The following MMP8 variants were observed in gnomAD, a reference collection of about 807,000 sequenced individuals.
MMP8 encodes matrix metallopeptidase 8.
In MMP8, 67 loss-of-function variants were observed where a neutral mutation model predicts 51.2. That is an observed-to-expected ratio of 1.31 (90% CI 1.08 to 1.60). The LOEUF (loss-of-function observed/expected upper bound fraction) is 1.60. Among genes scored for constraint, MMP8 ranks in the 40% most tolerant of loss-of-function variants. MMP8 has a pLI of 0.00. For synonymous variants in MMP8, 225 were observed against 191.0 expected, an observed-to-expected ratio of 1.18 and a Z score of -1.47; for missense variants, 654 against 558.1, an observed-to-expected ratio of 1.17 and a Z score of -1.73.
chr11:102,715,651 G>A (rs1317041113), intron 6 of MMP8, among the ~76,000 whole-genome samples: 1 of 152,154 alleles, frequency 6.6e-6, no homozygotes, highest in Non-Finnish European at 1.5e-5. Context: ...TTTCAGGGAA[G>A]GTTATGGGAG....
chr11:102,713,733 AG>A lies in MMP8; in HGVS notation c.1294+20del, dbSNP rs752137177. 20 of 1,255,942 alleles carry A rather than the reference AG, an allele frequency of 1.6e-5. No homozygotes were observed. Among genetic ancestry groups the A allele is most frequent in the Admixed American group, 4.1e-5 (2 of 48,724 alleles). The allele number at this position is 1,255,942 out of a possible 1,614,324, so 77.8% of individuals were successfully genotyped here. A position where few individuals can be genotyped will look rare whatever the true frequency, so the allele number is the denominator to read the frequency against. On this transcript the variant is annotated intron_variant, in intron 9 of 9. Transcript: ENST00000236826. ...TAAACAAACAAACAACACATTTATTAGGTTTTTTTTTCCTACTTACGTTCTT... is the reference window on the plus strand; with the variant it reads ...TAAACAAACAAACAACACATTTATTAGTTTTTTTTTCCTACTTACGTTCTT...
rs1233974219 is a variant in MMP8, at chr11:102,722,491, G to A, written c.285C>T (p.Asp95=). 1 of 1,613,934 alleles carries A rather than the reference G, an allele frequency of 6.2e-7. No individual in the cohort carries two copies. Among genetic ancestry groups the A allele is most frequent in the East Asian group, 2.2e-5 (1 of 44,884 alleles). The change falls in exon 2 of 10, where the codon GAC becomes GAT. Residue 95 remains aspartate, a synonymous_variant. Coordinates refer to ENST00000236826, the MANE Select transcript of MMP8 (RefSeq NM_002424.3). ...MMKKPRCGVP[D]SGGFMLTPGN... is the part of the protein sequence containing the mutation. ...CTGGGGTTAACATAAAACCACCACTGTCAGGCACTCCACAGCGAGGCTTTT... is the reference window on the plus strand; with the variant it reads ...CTGGGGTTAACATAAAACCACCACTATCAGGCACTCCACAGCGAGGCTTTT...
At chr11:102,713,669 T>A in intron 9 of MMP8, 85 bp downstream of exon 9, 1 of 1,231,254 alleles carries the variant, frequency 8.1e-7, no homozygotes, top group Non-Finnish European at 1.2e-6. Context: ...AGTTTGACAC[T>A]AACCTGGTCA....
chr11:102,721,649 C>T lies in MMP8; in HGVS notation c.461G>A (p.Gly154Glu), dbSNP rs35056226. 2,507 of 1,613,892 alleles carry T rather than the reference C, an allele frequency of 1.6e-3. 36 individuals carry two copies. In the African/African-American group the frequency reaches 0.03, roughly 19 times the overall value. The stretch of plus-strand genomic sequence containing the variant: ...AAAAGCAATGTTGATATCTGCCTCT[C>T]CCTGTGAGATCCTGGTGAAGATGAG... ...SPLIFTRISQ[G>E]EADINIAFYQ... Residue 154 changes from glycine to glutamate, a missense_variant, in exon 3 of 10, where the codon GGA becomes GAA. Physicochemically the swap from Gly to Glu is moderately conservative, Grantham distance 98. Coordinates refer to ENST00000236826, the MANE Select transcript of MMP8 (RefSeq NM_002424.3).
At position 102,714,586 on chromosome 11, in the gene MMP8, GT is replaced by G; in HGVS notation, c.1159del (p.Thr387HisfsTer5). On this transcript the variant is annotated frameshift_variant, in exon 8 of 10. Coordinates refer to ENST00000236826, the MANE Select transcript of MMP8 (RefSeq NM_002424.3). LOFTEE classifies it high-confidence loss of function. Reference sequence around the variant, plus strand: ...GAATTGGTCATTTACAAAGAAGTATGTTTTACTTCTGTAGAAAACAGCTGCG... The same window carrying G: ...GAATTGGTCATTTACAAAGAAGTATGTTTACTTCTGTAGAAAACAGCTGCG... ...IDAAVFYRSK[T>X]YFFVNDQFWR... 6.7e-7 allele frequency: 1 copy of G among 1,503,706 alleles called. No homozygotes were observed. Among genetic ancestry groups the G allele is most frequent in the Non-Finnish European group, 8.9e-7 (1 of 1,128,422 alleles). 93.1% of individuals were successfully genotyped at this position (1,503,706 alleles called of 1,614,324 possible). A position where few individuals can be genotyped will look rare whatever the true frequency, so the allele number is the denominator to read the frequency against.
Position 102,716,386 on chromosome 11 carries a change from G to A in MMP8, c.818C>T (p.Pro273Leu). ...GGGGTCACAGGGTTTGGGTGTGCTT[G>A]GTCCAGTAGGTTGGATAGGGTTGCT... The part of the protein sequence containing the change: ...LSSNPIQPTG[P>L]STPKPCDPSL... Residue 273 changes from proline (P) to leucine (L), a missense_variant, in exon 6 of 10, where the codon CCA (proline) becomes CTA (leucine). Pro to Leu is a moderately conservative substitution (Grantham distance 98). Transcript: ENST00000236826. 2.6e-6 allele frequency: 4 copies of A among 1,567,832 alleles called. No homozygotes were observed. The highest frequency in any genetic ancestry group is 3.5e-6 in the Non-Finnish European group (4 of 1,148,930).
chr11:102,714,801 T>C lies in MMP8; in HGVS notation c.1037-92A>G, dbSNP rs972779860. 7.2e-3 allele frequency: 1,505 copies of C among 208,648 alleles called. 106 individuals are homozygous for C. Among genetic ancestry groups the C allele is most frequent in the Non-Finnish European group, 9.8e-3 (1,170 of 119,324 alleles). 12.9% of individuals were successfully genotyped at this position (208,648 alleles called of 1,614,324 possible). ...ATATATATATATATATATATATATA[T>C]ATATACCACTTCTTGGTCTTGCACA... On this transcript the variant is annotated intron_variant, in intron 7 of 9. Transcript: ENST00000236826.
Position 102,715,331 on chromosome 11 carries a change from C to T in MMP8, c.1009G>A (p.Asp337Asn), listed in dbSNP as rs1239397796. The T allele has an allele frequency of 3.4e-5, 55 of 1,611,874 alleles. No individual in the cohort carries two copies. Among genetic ancestry groups the T allele is most frequent in the Non-Finnish European group, 4.5e-5 (53 of 1,179,344 alleles). Reference protein sequence around the residue: ...TGIQAAYEDFDRDLIFLFKGN... With the variant: ...TGIQAAYEDFNRDLIFLFKGN... ...TTAAATAGGAAAATGAGGTCTCTGTCAAAATCTTCATAAGCAGCCTGTATA... is the reference window on the plus strand; with the variant it reads ...TTAAATAGGAAAATGAGGTCTCTGTTAAAATCTTCATAAGCAGCCTGTATA... Residue 337 changes from aspartate (D) to asparagine (N), a missense_variant, in exon 7 of 10, where the codon GAC becomes AAC. Transcript: ENST00000236826.
chr11:102,714,763 T>G (rs926275538), intron 7 of MMP8, 54 bp from the exon 8 acceptor site: 2 of 3,112 alleles, frequency 6.4e-4, no homozygotes. Context: ...TTTACAAAAT[T>G]ATATATATAT....
Position 102,713,050 on chromosome 11 carries a change from C to A in MMP8, c.*298G>T. 4.1e-6 allele frequency: 1 copy of A among 242,434 alleles called. No homozygotes were observed. Among genetic ancestry groups the A allele is most frequent in the Non-Finnish European group, 8.0e-6 (1 of 125,120 alleles). 15.0% of individuals were successfully genotyped at this position (242,434 alleles called of 1,614,324 possible). ...TAGGCAAGTAATATAACAATAAATC[C>A]TAGAAGTCAGATATGTAAGTATTGA... is the stretch of plus-strand genomic sequence containing the variant. On this transcript the variant is annotated 3_prime_UTR_variant, in exon 10 of 10. Transcript: ENST00000236826.
chr11:102,715,792 G>A (rs1315806513), intron 6 of MMP8, among the ~76,000 whole-genome samples: 2 of 152,154 alleles, frequency 1.3e-5, no homozygotes, highest in Non-Finnish European at 2.9e-5. Flanking sequence ...TGTACCCTCA[G>A]CCTGTGATTG....
In MMP8 at chr11:102,713,327, A is replaced by G. The variant is rs776363545; in HGVS notation, c.*21T>C. On this transcript the variant is annotated 3_prime_UTR_variant, in exon 10 of 10. Transcript: ENST00000236826. ...TCCCTTCAACATTCTGAAAGTGGAT[A>G]CAGCCACATTTGATTTTGCTTCAGC... The G allele has an allele frequency of 2.4e-5, 36 of 1,527,926 alleles. 1 individual carries two copies. The South Asian group carries it at 4.0e-4, about 17-fold the overall frequency. 94.6% of individuals were successfully genotyped at this position (1,527,926 alleles called of 1,614,324 possible). A position where few individuals can be genotyped will look rare whatever the true frequency, so the allele number is the denominator to read the frequency against.
chr11:102,720,747 G>C (rs908608152), intron 4 of MMP8, among the ~76,000 whole-genome samples: 3 of 152,120 alleles, frequency 2.0e-5, no homozygotes, highest in African/African-American at 7.2e-5. Flanking sequence ...CCAAGGAGAT[G>C]AACTAACTAG....
rs113122585 is a variant in MMP8, at chr11:102,715,462, A to G, written c.903-25T>C. On this transcript the variant is annotated intron_variant, in intron 6 of 9. Transcript: ENST00000236826. ...CCTAACGGAACATAAGGAAACACAC[A>G]CACACACTTATACATAACAGTCTAA... The G allele has an allele frequency of 2.1e-4, 335 of 1,604,384 alleles. 2 individuals are homozygous for G. The African/African-American group carries it at 3.8e-3, about 18-fold the overall frequency.
At chr11:102,719,652 C>T (rs1414101704) in intron 4 of MMP8, among the ~76,000 whole-genome samples, 2 of 152,174 alleles carry the variant, frequency 1.3e-5, no homozygotes, top group Admixed American at 1.3e-4. Flanking sequence ...TAAAATTCTA[C>T]CCATGCTCTA....
chr11:102,717,429 T>C (rs1043380075), intron 5 of MMP8, among the ~76,000 whole-genome samples: 1 of 152,358 alleles, frequency 6.6e-6, no homozygotes, highest in Admixed American at 6.5e-5. Context: ...TTGCTTTGTT[T>C]ATATACATTT....
intron 6 of MMP8, 128 bp downstream of exon 6, chr11:102,716,174 A>C (rs1469228277): frequency 1.5e-6 from 1 of 657,810 alleles, no homozygotes; most frequent in East Asian, 2.8e-5. Flanking sequence ...AGAACCTATA[A>C]AAAATTCCGA....
Position 102,713,164 on chromosome 11 carries a change from A to G in MMP8, c.*184T>C. On this transcript the variant is annotated 3_prime_UTR_variant, in exon 10 of 10. Coordinates refer to ENST00000236826, the MANE Select transcript of MMP8 (RefSeq NM_002424.3). ...AAGATGGAATGTGTAAGAACTGAATAAGCCTCTGCAAATAGTGGAATATTC... is the reference window on the plus strand; with the variant it reads ...AAGATGGAATGTGTAAGAACTGAATGAGCCTCTGCAAATAGTGGAATATTC... 1.8e-6 allele frequency: 1 copy of G among 555,728 alleles called. No individual in the cohort carries two copies. The highest frequency in any genetic ancestry group is 3.2e-6 in the Non-Finnish European group (1 of 311,574). 34.4% of individuals were successfully genotyped at this position (555,728 alleles called of 1,614,324 possible).
rs770292048 is a variant in MMP8, at chr11:102,713,881, G to T, written c.1191-24C>A. ...ATCTGGTAAAAACAAAATGTTATCC[G>T]ATTTAACACCAATACAGAATATAAC... On this transcript the variant is annotated intron_variant, in intron 8 of 9. Transcript: ENST00000236826. 5 of 1,552,624 alleles carry T rather than the reference G, an allele frequency of 3.2e-6. No individual in the cohort carries two copies. The African/African-American group carries it at 5.5e-5, about 17-fold the overall frequency.
Sources: gnomAD v4.1 joint callset for allele counts (sites outside exome capture counted in the v4.1 genomes callset) on GRCh38, gnomAD v4.1.1 for gene constraint, MANE v1.5 for transcripts, NCBI Gene and HGNC (gene_info 2026-07-23, HGNC 2026-07-21) for gene names.